MYH10: variants seen among roughly 807,000 people sequenced by gnomAD.
The protein encoded by MYH10 is myosin-10.
A neutral mutation model predicts 257.8 loss-of-function variants in MYH10; 55 were observed. That is an observed-to-expected ratio of 0.21 (90% CI 0.17 to 0.27). MYH10 has a LOEUF of 0.27. Ranked by LOEUF, MYH10 falls within the 10% of genes least tolerant of loss-of-function variation. The pLI, the probability that MYH10 is intolerant of heterozygous loss-of-function variation, is 1.00. For synonymous variants in MYH10, 854 were observed against 921.7 expected, an observed-to-expected ratio of 0.93 and a Z score of 1.33; for missense variants, 1,631 against 2,500.6, an observed-to-expected ratio of 0.65 and a Z score of 7.42.
At position 8,506,382 on chromosome 17, in the gene MYH10, G is replaced by C; in HGVS notation, c.3322C>G (p.Gln1108Glu). 6.2e-7 allele frequency: 1 copy of C among 1,611,958 alleles called. No individual in the cohort carries two copies. The highest frequency in any genetic ancestry group is 8.5e-7 in the Non-Finnish European group (1 of 1,179,422). The change falls in exon 27 of 43, where the codon CAG (glutamine) becomes GAG (glutamate). Residue 1108 changes from glutamine (Q) to glutamate (E), a missense_variant. Gln to Glu is a conservative substitution (Grantham distance 29). Transcript: ENST00000360416. The surrounding 1 kb of genome is among the most constrained non-coding windows in gnomAD (Gnocchi z 5.0). ...AGCTGCAGCTTGAGCTCATCAATCT[G>C]CGCCTGCAGCTCTGCGATCTGGTCC... ...LQDQIAELQAQIDELKLQLAK... is the reference protein window; with the variant it reads ...LQDQIAELQAEIDELKLQLAK...
chr17:8,608,860 G>C (rs1321881226), intron 2 of MYH10, among the ~76,000 whole-genome samples: 1 of 151,544 alleles, frequency 6.6e-6, no homozygotes, highest in African/African-American at 2.4e-5. Context: ...CGCCAGGCTG[G>C]AGTGCAGTGG....
At position 8,480,517 on chromosome 17, in the gene MYH10, A is replaced by C; in HGVS notation, c.5273T>G (p.Leu1758Arg). 1 of 1,608,482 alleles carries C rather than the reference A, an allele frequency of 6.2e-7. No homozygotes were observed. The highest frequency in any genetic ancestry group is 8.5e-7 in the Non-Finnish European group (1 of 1,179,856). ...TTCCAGACGCCGCTTCTCATCCAGC[A>C]GCGCGGACCTGGCGGGGAGAGGAGG... ...ITNSASGKSA[L>R]LDEKRRLEAR... The change falls in exon 39 of 43, where the codon CTG becomes CGG. Residue 1758 changes from leucine (L) to arginine (R), a missense_variant. Around this residue, in one of 11 missense-constraint regions of MYH10, gnomAD observed 343 missense variants for 389.5 expected, o/e 0.88. Coordinates refer to ENST00000360416, the MANE Select transcript of MYH10 (RefSeq NM_001256012.3).
chr17:8,622,499 G>A (rs2085504717), intron 2 of MYH10, among the ~76,000 whole-genome samples: 1 of 152,118 alleles, frequency 6.6e-6, no homozygotes, highest in African/African-American at 2.4e-5. Flanking sequence ...AAATTTCTCA[G>A]CTTACAGCCC....
chr17:8,579,814 G>C (rs4627422), intron 4 of MYH10, among the ~76,000 whole-genome samples: 147,155 of 152,320 alleles, frequency 0.97, 71,290 homozygotes, highest in East Asian at 1. Context: ...TCTTTTACAA[G>C]TTTGATAGCT....
chr17:8,577,491 G>T (rs989720151), intron 4 of MYH10, among the ~76,000 whole-genome samples, 153 bp from the exon 5 acceptor site: 2 of 152,066 alleles, frequency 1.3e-5, no homozygotes, highest in Non-Finnish European at 2.9e-5. Context: ...AGTTAGAAAA[G>T]AAAATCATCC....
chr17:8,493,863 C>T lies in MYH10; in HGVS notation c.4079G>A (p.Arg1360His), dbSNP rs1036463185. The change falls in exon 32 of 43, where the codon CGC becomes CAC. Residue 1360 changes from arginine to histidine, a missense_variant. This residue lies in a region of MYH10 where 463 missense variants were observed against 621.8 expected (regional missense o/e 0.74). Transcript: ENST00000360416. ...CCGACTGCTCAGGTTTAGTTTCTGG[C>T]GTGTCTCCTCCTGAAGAAGCTCCTG... ...DTQELLQEET[R>H]QKLNLSSRIR... The T allele has an allele frequency of 6.2e-6, 10 of 1,609,404 alleles. 1 individual carries two copies. The Middle Eastern group carries it at 8.2e-4, about 133-fold the overall frequency.
At position 8,509,822 on chromosome 17, in the gene MYH10, T is replaced by C. The variant is rs2151869189; in HGVS notation, c.3080A>G (p.Lys1027Arg). 1 of 1,607,766 alleles carries C rather than the reference T, an allele frequency of 6.2e-7. No homozygotes were observed. Among genetic ancestry groups the C allele is most frequent in the Non-Finnish European group, 8.5e-7 (1 of 1,177,394 alleles). ...GGAACACTCTCTTACTTTGATGAAC[T>C]TGGAATTTTGGTCCTCGAGAAGCAG... ...EILLLEDQNSKFIKEKKLMED... is the reference protein window; with the variant it reads ...EILLLEDQNSRFIKEKKLMED... Residue 1027 changes from lysine to arginine, a missense_variant, in exon 25 of 43, where the codon AAG (lysine) becomes AGG (arginine). Around this residue, in one of 11 missense-constraint regions of MYH10, gnomAD observed 169 missense variants for 249.8 expected, o/e 0.68. Coordinates refer to ENST00000360416, the MANE Select transcript of MYH10 (RefSeq NM_001256012.3).
chr17:8,545,369 G>C lies in MYH10; in HGVS notation c.1431+79C>G. ...GTATCCCTGGTGCCTCGTATGTACT[G>C]GGCACACAGTAAGCCTTCATATTTG... On this transcript the variant is annotated intron_variant, in intron 13 of 42. Transcript: ENST00000360416. This position sits in a 1 kb window ranked among gnomAD's most constrained non-coding sequence, Gnocchi z 4.7. 6.7e-7 allele frequency: 1 copy of C among 1,498,220 alleles called. No homozygotes were observed. The allele number at this position is 1,498,220 out of a possible 1,614,324, so 92.8% of individuals were successfully genotyped here.
rs570313958 is a variant in MYH10, at chr17:8,506,852, C to T, written c.3215-363G>A. Among the ~76,000 whole-genome samples, 1 of 152,306 alleles carries T rather than the reference C, an allele frequency of 6.6e-6. No individual in the cohort carries two copies. The highest frequency in any genetic ancestry group is 1.5e-5 in the Non-Finnish European group (1 of 68,018). On this transcript the variant is annotated intron_variant, in intron 26 of 42. Coordinates refer to ENST00000360416, the MANE Select transcript of MYH10 (RefSeq NM_001256012.3). The surrounding 1 kb of genome is among the most constrained non-coding windows in gnomAD (Gnocchi z 5.0). The stretch of plus-strand genomic sequence containing the variant: ...GCTCAGCAGGTGCTGGGGCAGCAAT[C>T]GTAGCTGCCTGTCACCCCATTCCCT...
At chr17:8,549,057 T>C (rs1270497587) in intron 9 of MYH10, among the ~76,000 whole-genome samples, 1 of 152,252 alleles carries the variant, frequency 6.6e-6, no homozygotes, top group Non-Finnish European at 1.5e-5. Context: ...AATATTCTGT[T>C]TGAAATTGGT....
At chr17:8,628,736 T>C (rs982017921) in intron 1 of MYH10, among the ~76,000 whole-genome samples, 4 of 152,306 alleles carry the variant, frequency 2.6e-5, no homozygotes, top group African/African-American at 9.6e-5. Flanking sequence ...TTTCCAAAAC[T>C]AGGATCCAAC....
At chr17:8,556,765 C>T (rs1484703251) in intron 7 of MYH10, among the ~76,000 whole-genome samples, 2 of 152,138 alleles carry the variant, frequency 1.3e-5, no homozygotes, top group African/African-American at 4.8e-5. Context: ...TTATTGTATG[C>T]CAACATTTCA....
chr17:8,487,935 A>C (rs949597526), intron 35 of MYH10, among the ~76,000 whole-genome samples: 30 of 152,186 alleles, frequency 2.0e-4, no homozygotes, highest in African/African-American at 6.8e-4. Flanking sequence ...TGGGGTAGGC[A>C]CAGAGCGGGC....
intron 26 of MYH10, among the ~76,000 whole-genome samples, chr17:8,508,162 C>T (rs1261502204): frequency 6.6e-6 from 1 of 152,058 alleles, no homozygotes; most frequent in Non-Finnish European, 1.5e-5. Context: ...CTGCCTCTGT[C>T]ACCCCACGAT....
intron 4 of MYH10, among the ~76,000 whole-genome samples, chr17:8,585,306 A>ATATATATATATATATATATAGC: frequency 7.1e-6 from 1 of 141,034 alleles, no homozygotes; most frequent in South Asian, 2.3e-4. Flanking sequence ...ATATATATAT[A>ATATATATATATATATATATAGC]GCTACATATG....
In MYH10 at chr17:8,477,179, G is replaced by A. The variant is rs75583451; in HGVS notation, c.5707-131C>T. On this transcript the variant is annotated intron_variant, in intron 41 of 42. Transcript: ENST00000360416. The surrounding 1 kb of genome is among the most constrained non-coding windows in gnomAD (Gnocchi z 4.2). ...AGCACGCGTGTACACGGATGTACAC[G>A]CGTGCCTGGGGGCTGGTCGGAGGCT... 4,570 of 969,012 alleles carry A rather than the reference G, an allele frequency of 4.7e-3. 14 individuals carry two copies. The highest frequency in any genetic ancestry group is 5.5e-3 in the Non-Finnish European group (3,708 of 670,334). The allele number at this position is 969,012 out of a possible 1,614,324, so 60.0% of individuals were successfully genotyped here.
intron 7 of MYH10, chr17:8,561,263 GA>G: frequency 1.3e-5 from 13 of 985,894 alleles, no homozygotes; most frequent in Non-Finnish European, 1.6e-5. Flanking sequence ...AGGTCGTGCT[GA>G]AAAGGGCCGC....
chr17:8,575,123 G>C (rs1180278320), intron 6 of MYH10, among the ~76,000 whole-genome samples: 1 of 152,196 alleles, frequency 6.6e-6, no homozygotes, highest in Non-Finnish European at 1.5e-5. Context: ...ATGGCCCAAA[G>C]AAGCTGCTGC....
In MYH10 at chr17:8,474,947, T is replaced by C. The variant is rs2047487; in HGVS notation, c.*857A>G. The C allele has an allele frequency of 0.98, 149,032 of 152,728 alleles. 72,834 individuals are homozygous for C. Among genetic ancestry groups the C allele is most frequent in the Middle Eastern group, 1 (294 of 294 alleles). The allele number at this position is 152,728 out of a possible 1,614,324, so 9.5% of individuals were successfully genotyped here. A position where few individuals can be genotyped will look rare whatever the true frequency, so the allele number is the denominator to read the frequency against. On this transcript the variant is annotated 3_prime_UTR_variant, in exon 43 of 43. Transcript: ENST00000360416. ...GTCAGCATGAGGGCCCGGCTGGCGA[T>C]GGGGAGGGGCCTTCCACCAGCTCGG... is the stretch of plus-strand genomic sequence containing the variant.
Sources: gnomAD v4.1 joint callset for allele counts (sites outside exome capture counted in the v4.1 genomes callset) on GRCh38, gnomAD v4.1.1 for gene constraint, gnomAD v4.1.1 regional missense constraint, Gnocchi (gnomAD v3.1) non-coding constraint, MANE v1.5 for transcripts, NCBI Gene and HGNC (gene_info 2026-07-23, HGNC 2026-07-21) for gene names.